The following NEMP2 variants were observed in gnomAD, a reference collection of about 807,000 sequenced individuals.
The protein encoded by NEMP2 is nuclear envelope integral membrane protein 2, also known as UPF0571 transmembrane protein.
Under a neutral mutation model 54.2 loss-of-function variants are expected in NEMP2, and 53 were observed. The observed-to-expected ratio is 0.98, with a 90% confidence interval of 0.78 to 1.23. NEMP2 has a LOEUF of 1.23. Ranked by LOEUF, NEMP2 falls within the 50% of genes most tolerant of loss-of-function variation. The pLI, the probability that NEMP2 is intolerant of heterozygous loss-of-function variation, is 0.00. For missense variants in NEMP2, 455 were observed against 511.3 expected, an observed-to-expected ratio of 0.89 and a Z score of 1.06; for synonymous variants, 197 against 190.3, an observed-to-expected ratio of 1.04 and a Z score of -0.29.
At chr2:190,434,734 AAC>A in the NEMP2 span, among the ~76,000 whole-genome samples, 1 of 152,138 alleles carries the variant, frequency 6.6e-6, no homozygotes, top group Non-Finnish European at 1.5e-5. The surrounding 1 kb of genome is among the most constrained non-coding windows in gnomAD (Gnocchi z 4.3). Context: ...GCCCGGCCAA[AAC>A]ACTGTTTTTC....
the NEMP2 span, among the ~76,000 whole-genome samples, chr2:190,592,483 C>T: frequency 6.6e-6 from 1 of 152,242 alleles, no homozygotes; most frequent in South Asian, 2.1e-4. The surrounding 1 kb of genome is among the most constrained non-coding windows in gnomAD (Gnocchi z 4.4). Flanking sequence ...AAATAATTGA[C>T]TGAGTACAGG....
the NEMP2 span, chr2:190,477,512 T>C: frequency 8.1e-6 from 2 of 245,628 alleles, no homozygotes; most frequent in Non-Finnish European, 1.3e-5. Flanking sequence ...AGAACATCCA[T>C]GAAACGGTTA....
chr2:190,584,943 GAA>G, the NEMP2 span, among the ~76,000 whole-genome samples: 1 of 138,790 alleles, frequency 7.2e-6, no homozygotes, highest in Non-Finnish European at 1.6e-5. This position sits in a 1 kb window ranked among gnomAD's most constrained non-coding sequence, Gnocchi z 4.2. Context: ...AAGAAAGAAA[GAA>G]AGAAAGAAAG....
In NEMP2 at chr2:190,534,632, C is replaced by A; in HGVS notation, c.24G>T (p.Trp8Cys). 7.4e-7 allele frequency: 1 copy of A among 1,353,426 alleles called. No individual in the cohort carries two copies. The allele number at this position is 1,353,426 out of a possible 1,614,324, so 83.8% of individuals were successfully genotyped here. A position where few individuals can be genotyped will look rare whatever the true frequency, so the allele number is the denominator to read the frequency against. The change falls in exon 1 of 9, where the codon TGG (tryptophan) becomes TGT (cysteine). Residue 8 changes from tryptophan (W) to cysteine (C), a missense_variant. Trp to Cys is a radical substitution (Grantham distance 215). Transcript: ENST00000409150. ...GGGGCGGCAGCCAGAGCAGCAGCCACCACCGCCCTTGGCGCGGCCCCATTT... is the reference window on the plus strand; with the variant it reads ...GGGGCGGCAGCCAGAGCAGCAGCCAACACCGCCCTTGGCGCGGCCCCATTT... MGPRQGR[W>C]WLLLWLPPLA...
At chr2:190,636,198 T>C in the NEMP2 span, among the ~76,000 whole-genome samples, 63 of 152,350 alleles carry the variant, frequency 4.1e-4, no homozygotes, top group Non-Finnish European at 6.3e-4. Flanking sequence ...ACTTTTAAAA[T>C]TTTTACTGAT....
chr2:190,625,673 G>A, the NEMP2 span: 21 of 152,248 alleles, frequency 1.4e-4, no homozygotes, highest in Admixed American at 3.9e-4. Flanking sequence ...GGCCACCATC[G>A]TCCCTGGCTG....
chr2:190,545,545 C>G, the NEMP2 span, among the ~76,000 whole-genome samples: 6 of 152,218 alleles, frequency 3.9e-5, no homozygotes, highest in Non-Finnish European at 7.3e-5. Flanking sequence ...ATTCAGGAAC[C>G]TTTCAATTCA....
the NEMP2 span, among the ~76,000 whole-genome samples, chr2:190,606,853 A>G: frequency 6.6e-6 from 1 of 152,236 alleles, no homozygotes; most frequent in South Asian, 2.1e-4. Flanking sequence ...CAATGCATTT[A>G]CTTTAAGAAT....
At chr2:190,608,122 C>T in the NEMP2 span, 3 of 152,162 alleles carry the variant, frequency 2.0e-5, no homozygotes, top group Admixed American at 6.5e-5. The surrounding 1 kb of genome is among the most constrained non-coding windows in gnomAD (Gnocchi z 4.9). Context: ...TCCCTTTGTC[C>T]CCCGTACCCA....
chr2:190,516,587 C>G (rs919234450), intron 5 of NEMP2, among the ~76,000 whole-genome samples: 4 of 152,188 alleles, frequency 2.6e-5, no homozygotes, highest in African/African-American at 9.6e-5. Flanking sequence ...ATGGCAGAGT[C>G]CTAGGCCCCA....
At chr2:190,541,480 G>T in the NEMP2 span, among the ~76,000 whole-genome samples, 1 of 151,972 alleles carries the variant, frequency 6.6e-6, no homozygotes, top group South Asian at 2.1e-4. The surrounding 1 kb of genome is among the most constrained non-coding windows in gnomAD (Gnocchi z 5.2). Flanking sequence ...TTAATTTCTT[G>T]TTTCATTAAT....
the NEMP2 span, among the ~76,000 whole-genome samples, chr2:190,428,654 C>CATTTATTTAT: frequency 8.1e-3 from 874 of 108,338 alleles, 10 homozygotes; most frequent in Non-Finnish European, 9.1e-3. Context: ...GAGATGCTTG[C>CATTTATTTAT]TTATTTATTT....
chr2:190,449,076 C>T, the NEMP2 span, among the ~76,000 whole-genome samples: 1 of 152,192 alleles, frequency 6.6e-6, no homozygotes, highest in South Asian at 2.1e-4. Flanking sequence ...TATATTTTGC[C>T]CTAAATGGCA....
the NEMP2 span, among the ~76,000 whole-genome samples, chr2:190,642,548 C>T: frequency 3.9e-5 from 6 of 151,994 alleles, no homozygotes; most frequent in Non-Finnish European, 7.4e-5. The surrounding 1 kb of genome is among the most constrained non-coding windows in gnomAD (Gnocchi z 4.1). Context: ...TTTATAATCT[C>T]TATATATTTA....
chr2:190,472,166 T>A, the NEMP2 span, among the ~76,000 whole-genome samples: 1 of 152,054 alleles, frequency 6.6e-6, no homozygotes, highest in Non-Finnish European at 1.5e-5. Flanking sequence ...AACTGAAAAT[T>A]CTAAAAATCA....
At chr2:190,639,928 G>A in the NEMP2 span, among the ~76,000 whole-genome samples, 1 of 152,044 alleles carries the variant, frequency 6.6e-6, no homozygotes, top group Non-Finnish European at 1.5e-5. Context: ...GATTACAGTC[G>A]TGAGCCACTG....
chr2:190,435,740 T>G, the NEMP2 span, among the ~76,000 whole-genome samples: 1 of 152,350 alleles, frequency 6.6e-6, no homozygotes, highest in East Asian at 1.9e-4. Flanking sequence ...GAATCTGAGC[T>G]GTAAACCTGC....
At chr2:190,503,171 G>C (rs1690092673), downstream of NEMP2, among the ~76,000 whole-genome samples, 1 of 152,174 alleles carries the variant, frequency 6.6e-6, no homozygotes, top group Admixed American at 6.5e-5. The surrounding 1 kb of genome is among the most constrained non-coding windows in gnomAD (Gnocchi z 6.3). Flanking sequence ...GTGAAATGTA[G>C]GTACACCAGA....
chr2:190,453,013 T>A, the NEMP2 span, among the ~76,000 whole-genome samples: 2 of 152,166 alleles, frequency 1.3e-5, no homozygotes, highest in Non-Finnish European at 2.9e-5. Context: ...AGGGTTGCAG[T>A]GTTGAATATG....
Sources: gnomAD v4.1 joint callset for allele counts (sites outside exome capture counted in the v4.1 genomes callset) on GRCh38, gnomAD v4.1.1 for gene constraint, Gnocchi (gnomAD v3.1) non-coding constraint, MANE v1.5 for transcripts, NCBI Gene and HGNC (gene_info 2026-07-23, HGNC 2026-07-21) for gene names.